STAG1: variants seen among roughly 807,000 people sequenced by gnomAD.
STAG1 encodes the protein cohesin subunit SA-1.
In STAG1, 26 loss-of-function variants were observed where a neutral mutation model predicts 170.9. The ratio of observed to expected loss-of-function variants is 0.15; its 90% CI spans 0.11 to 0.21. The LOEUF (loss-of-function observed/expected upper bound fraction) is 0.21, where lower values mean the gene tolerates loss of function less well. STAG1 is among the 10% of genes least tolerant of loss of function. The pLI, the probability that STAG1 is intolerant of heterozygous loss-of-function variation, is 1.00. For missense variants in STAG1, 964 were observed against 1,509.5 expected (o/e 0.64, Z 5.99); for synonymous variants, 514 against 497.7 (o/e 1.03, Z -0.44).
chr3:136,685,835 A>G (rs1332299487), intron 1 of STAG1, among the ~76,000 whole-genome samples: 1 of 152,228 alleles, frequency 6.6e-6, no homozygotes, highest in East Asian at 1.9e-4. Context: ...TCTAAGCAAA[A>G]TATTTCAGCT....
intron 23 of STAG1, among the ~76,000 whole-genome samples, chr3:136,374,332 T>C (rs528356798): frequency 6.7e-6 from 1 of 149,588 alleles, no homozygotes; most frequent in East Asian, 2.0e-4. Context: ...GAAAAAAATA[T>C]TTTGGCCAGG....
intron 2 of STAG1, among the ~76,000 whole-genome samples, 170 bp from the exon 3 acceptor site, chr3:136,623,418 A>G (rs998871148): frequency 6.6e-6 from 1 of 152,180 alleles, no homozygotes. Context: ...CTAATTTCAC[A>G]TAACAGTGAG....
intron 1 of STAG1, among the ~76,000 whole-genome samples, chr3:136,680,533 T>A (rs1265365030): frequency 6.6e-6 from 1 of 152,082 alleles, no homozygotes; most frequent in Non-Finnish European, 1.5e-5. Context: ...GGGCAGGGAT[T>A]AGGGAAGGGA....
At chr3:136,691,497 G>A (rs1383843901) in intron 1 of STAG1, among the ~76,000 whole-genome samples, 1 of 152,080 alleles carries the variant, frequency 6.6e-6, no homozygotes, top group East Asian at 1.9e-4. Flanking sequence ...GGGAGCCTGA[G>A]GTAAGAGCCT....
At chr3:136,705,413 ACACACACACAC>A (rs1027720890) in intron 1 of STAG1, among the ~76,000 whole-genome samples, 8 of 142,308 alleles carry the variant, frequency 5.6e-5, no homozygotes, top group African/African-American at 1.0e-4. Flanking sequence ...ACACACACAC[ACACACACACAC>A]AACGAAGTTC....
chr3:136,414,947 G>A (rs919482075), intron 21 of STAG1, among the ~76,000 whole-genome samples: 1 of 152,148 alleles, frequency 6.6e-6, no homozygotes, highest in Non-Finnish European at 1.5e-5. Flanking sequence ...CCTGTCAATG[G>A]AGCAGTCAAA....
chr3:136,635,935 A>G (rs1940533450), intron 1 of STAG1, among the ~76,000 whole-genome samples: 1 of 152,182 alleles, frequency 6.6e-6, no homozygotes, highest in Non-Finnish European at 1.5e-5. Flanking sequence ...ATATAAGAAA[A>G]ACAATAAAAT....
chr3:136,377,755 G>A lies in STAG1; in HGVS notation c.2278-3C>T. 6.2e-7 allele frequency: 1 copy of A among 1,613,068 alleles called. No individual in the cohort carries two copies. The highest frequency in any genetic ancestry group is 8.5e-7 in the Non-Finnish European group (1 of 1,179,288). ...TTCCTCAATACCAACAAATCCTCCT[G>A]TAAGACACATTCAAATTTGCAAGCG... On this transcript the variant is annotated splice_polypyrimidine_tract_variant and splice_region_variant and intron_variant, in intron 22 of 33. Coordinates refer to ENST00000383202, the MANE Select transcript of STAG1 (RefSeq NM_005862.3).
chr3:136,582,236 A>C (rs568005865), intron 4 of STAG1, among the ~76,000 whole-genome samples: 27 of 152,260 alleles, frequency 1.8e-4, no homozygotes, highest in Admixed American at 4.6e-4. Context: ...GTTAACAAAG[A>C]AACACAAATG....
chr3:136,670,588 T>C (rs1941948645), intron 1 of STAG1, among the ~76,000 whole-genome samples: 1 of 152,090 alleles, frequency 6.6e-6, no homozygotes, highest in African/African-American at 2.4e-5. Context: ...GCGATTCCTG[T>C]GCCTCAGCCT....
intron 4 of STAG1, among the ~76,000 whole-genome samples, chr3:136,570,441 T>C (rs1042855115): frequency 4.6e-5 from 7 of 152,244 alleles, no homozygotes; most frequent in African/African-American, 1.4e-4. Context: ...CCCATTTTAC[T>C]GTTGAGGAAT....
chr3:136,540,677 C>T (rs1484896073), intron 6 of STAG1, among the ~76,000 whole-genome samples: 3 of 151,718 alleles, frequency 2.0e-5, no homozygotes, highest in Non-Finnish European at 4.4e-5. Flanking sequence ...CAAAAATTAG[C>T]TGGGCGTGGT....
intron 1 of STAG1, among the ~76,000 whole-genome samples, chr3:136,652,508 G>A (rs557044684): frequency 2.6e-5 from 4 of 152,218 alleles, no homozygotes; most frequent in Admixed American, 6.5e-5. Context: ...CTACAAAGAC[G>A]CCTATTACCA....
At chr3:136,575,285 C>A (rs748371394) in intron 4 of STAG1, among the ~76,000 whole-genome samples, 71 of 152,172 alleles carry the variant, frequency 4.7e-4, no homozygotes, top group Non-Finnish European at 9.4e-4. Context: ...GGTCCAGTGG[C>A]ATGACCACGG....
At position 136,485,289 on chromosome 3, in the gene STAG1, C is replaced by T. The variant is rs774214285; in HGVS notation, c.903-7877G>A. On this transcript the variant is annotated intron_variant, in intron 9 of 33. Transcript: ENST00000383202. ...TGGCAAACATGGTGAAACACCATCT[C>T]TACTAAAAATACAAAAAATTAGCTG... is the stretch of plus-strand genomic sequence containing the variant. Among the ~76,000 whole-genome samples the T allele has an allele frequency of 7.4e-4, 112 of 152,176 alleles. 1 individual carries two copies. Among genetic ancestry groups the T allele is most frequent in the Non-Finnish European group, 1.4e-3 (96 of 68,002 alleles).
chr3:136,370,734 C>A (rs1271853649), intron 23 of STAG1, among the ~76,000 whole-genome samples: 1 of 152,154 alleles, frequency 6.6e-6, no homozygotes, highest in African/African-American at 2.4e-5. Context: ...TGTATATGTG[C>A]CACATTTTCT....
At chr3:136,441,863 A>T (rs761565912) in intron 15 of STAG1, among the ~76,000 whole-genome samples, 8 of 152,224 alleles carry the variant, frequency 5.3e-5, no homozygotes, top group Non-Finnish European at 1.2e-4. Context: ...ATCTGAGGAC[A>T]TAAGTAAAAA....
In STAG1 at chr3:136,540,986, C is replaced by G. The variant is rs182806886; in HGVS notation, c.471+1133G>C. On this transcript the variant is annotated intron_variant, in intron 6 of 33. Coordinates refer to ENST00000383202, the MANE Select transcript of STAG1 (RefSeq NM_005862.3). The stretch of plus-strand genomic sequence containing the variant: ...GTTTTTATCTCATTCCATTTTCATA[C>G]GTGAAGAGTTTTACTAAGTTAATTC... 4.7e-4 allele frequency among the ~76,000 whole-genome samples: 72 copies of G among 151,852 alleles called. 1 individual carries two copies. Among genetic ancestry groups the G allele is most frequent in the African/African-American group, 1.7e-3 (71 of 41,416 alleles).
intron 5 of STAG1, among the ~76,000 whole-genome samples, chr3:136,555,633 G>C (rs766655075): frequency 3.3e-5 from 5 of 152,106 alleles, no homozygotes; most frequent in Middle Eastern, 3.4e-3. Context: ...GCAGTGAGCC[G>C]TGTTTGTGGC....
Sources: allele counts gnomAD v4.1 joint callset (sites outside exome capture counted in the v4.1 genomes callset), GRCh38; gene constraint gnomAD v4.1.1; transcripts MANE v1.5; gene names NCBI Gene and HGNC (gene_info 2026-07-23, HGNC 2026-07-21).